The following ADCY2 variants were observed in gnomAD, a reference collection of about 807,000 sequenced individuals.
ADCY2 encodes the protein adenylate cyclase type 2.
Under a neutral mutation model 125.2 loss-of-function variants are expected in ADCY2, and 31 were observed. The ratio of observed to expected loss-of-function variants is 0.25; its 90% CI spans 0.19 to 0.33. ADCY2 has a LOEUF of 0.33. Ranked by LOEUF, ADCY2 falls within the 10% of genes least tolerant of loss-of-function variation. The probability of loss-of-function intolerance (pLI) is 1.00; values close to 1 mark genes in which losing one functional copy is unlikely to be tolerated. For synonymous variants in ADCY2, 512 were observed against 548.4 expected (o/e 0.93, Z 0.93); for missense variants, 904 against 1,418.2 (o/e 0.64, Z 5.82).
chr5:7,549,827 C>T (rs1269462286), intron 3 of ADCY2, among the ~76,000 whole-genome samples: 5 of 152,160 alleles, frequency 3.3e-5, no homozygotes, highest in Admixed American at 1.3e-4. Flanking sequence ...AGGTCGTACC[C>T]GGAAGTGGCT....
intron 11 of ADCY2, among the ~76,000 whole-genome samples, chr5:7,716,287 G>T (rs1245134769): frequency 1.3e-5 from 2 of 152,176 alleles, no homozygotes; most frequent in Non-Finnish European, 2.9e-5. Flanking sequence ...AAATAAGACT[G>T]TAGCTCTGCA....
intron 6 of ADCY2, 105 bp from the exon 7 acceptor site, chr5:7,698,142 C>T (rs1042971813): frequency 2.5e-5 from 35 of 1,399,006 alleles, no homozygotes; most frequent in Non-Finnish European, 3.5e-5. Context: ...TCTCCAGATG[C>T]CCCTGGAATG....
At chr5:7,694,965 C>G (rs766877521) in intron 5 of ADCY2, among the ~76,000 whole-genome samples, 1 of 152,200 alleles carries the variant, frequency 6.6e-6, no homozygotes, top group Admixed American at 6.5e-5. Flanking sequence ...ATCCTAATGA[C>G]TGTGAAATAG....
chr5:7,731,549 C>T (rs1014116981), intron 14 of ADCY2, among the ~76,000 whole-genome samples: 1 of 151,900 alleles, frequency 6.6e-6, no homozygotes, highest in Non-Finnish European at 1.5e-5. Flanking sequence ...GCCACCGCAC[C>T]TGGCCTACTT....
Position 7,709,064 on chromosome 5 carries a change from T to C in ADCY2, c.1402-147T>C. 2 of 692,034 alleles carry C rather than the reference T, an allele frequency of 2.9e-6. No homozygotes were observed. The allele number at this position is 692,034 out of a possible 1,614,324, so 42.9% of individuals were successfully genotyped here. ...TCAACTCAAATAGTGTGTTCCCCAG[T>C]AACACTGAAGGAATAAGGACAGAAA... On this transcript the variant is annotated intron_variant, in intron 9 of 24. Transcript: ENST00000338316. This position sits in a 1 kb window ranked among gnomAD's most constrained non-coding sequence, Gnocchi z 4.4.
chr5:7,646,851 C>T (rs149849910), intron 4 of ADCY2, among the ~76,000 whole-genome samples: 13 of 152,082 alleles, frequency 8.5e-5, no homozygotes, highest in Admixed American at 1.3e-4. Context: ...GGAGAATTAC[C>T]GGGTTTTCGA....
chr5:7,575,205 T>G (rs1368517056), intron 3 of ADCY2, among the ~76,000 whole-genome samples: 1 of 152,056 alleles, frequency 6.6e-6, no homozygotes, highest in African/African-American at 2.4e-5. Flanking sequence ...AGGAGAAAAA[T>G]GTCTGCATTT....
chr5:7,762,441 C>T (rs949617013), intron 16 of ADCY2, among the ~76,000 whole-genome samples: 14 of 152,192 alleles, frequency 9.2e-5, no homozygotes, highest in African/African-American at 3.4e-4. Flanking sequence ...GAGGCAGTGC[C>T]CGGGGCCACA....
intron 2 of ADCY2, among the ~76,000 whole-genome samples, chr5:7,435,943 T>G (rs1032108857): frequency 6.6e-6 from 1 of 152,208 alleles, no homozygotes; most frequent in Non-Finnish European, 1.5e-5. Flanking sequence ...TTCAGAAACC[T>G]CAACATTTTA....
intron 22 of ADCY2, among the ~76,000 whole-genome samples, chr5:7,805,106 AG>A (rs1371356952): frequency 1.3e-5 from 2 of 151,908 alleles, no homozygotes; most frequent in African/African-American, 4.8e-5. Context: ...TCTTGAGCTC[AG>A]GAGTTTGAGA....
chr5:7,430,123 T>A (rs931121628), intron 2 of ADCY2, among the ~76,000 whole-genome samples: 5 of 152,126 alleles, frequency 3.3e-5, no homozygotes, highest in Admixed American at 3.3e-4. Context: ...AATGGGCAAA[T>A]TTATTGAAAA....
chr5:7,480,621 G>A (rs1483898056), intron 2 of ADCY2, among the ~76,000 whole-genome samples: 1 of 152,154 alleles, frequency 6.6e-6, no homozygotes, highest in Non-Finnish European at 1.5e-5. Context: ...AGTGGGAGAA[G>A]GGGGAGGATC....
intron 2 of ADCY2, among the ~76,000 whole-genome samples, chr5:7,418,645 C>CTTTTTTTTT (rs1160037097): frequency 6.5e-5 from 6 of 92,498 alleles, no homozygotes; most frequent in African/African-American, 3.1e-4. Flanking sequence ...AGTCTACCTT[C>CTTTTTTTTT]TGTTTTTTTT....
chr5:7,563,857 T>C (rs1429804828), intron 3 of ADCY2, among the ~76,000 whole-genome samples: 1 of 152,220 alleles, frequency 6.6e-6, no homozygotes, highest in African/African-American at 2.4e-5. Context: ...CCGTTGTTTA[T>C]GTTCCATAAA....
intron 4 of ADCY2, among the ~76,000 whole-genome samples, chr5:7,650,955 C>T (rs1421104870): frequency 6.6e-6 from 1 of 151,996 alleles, no homozygotes; most frequent in African/African-American, 2.4e-5. Flanking sequence ...TAGGTTACCA[C>T]TCCTTGGTGA....
chr5:7,678,414 G>A (rs1740205727), intron 4 of ADCY2, among the ~76,000 whole-genome samples: 1 of 152,164 alleles, frequency 6.6e-6, no homozygotes, highest in Admixed American at 6.6e-5. Flanking sequence ...GAAGACCTTT[G>A]AGAAACACAT....
chr5:7,632,408 T>G (rs976092100), intron 4 of ADCY2, among the ~76,000 whole-genome samples: 10 of 152,216 alleles, frequency 6.6e-5, no homozygotes, highest in South Asian at 2.1e-4. Context: ...CCATCCATCT[T>G]GGTCATCACA....
intron 3 of ADCY2, among the ~76,000 whole-genome samples, chr5:7,579,499 A>C (rs1199380714): frequency 6.6e-6 from 1 of 152,164 alleles, no homozygotes; most frequent in Non-Finnish European, 1.5e-5. Context: ...GGCTGTTGAA[A>C]TAAGCATGAT....
At chr5:7,419,910 G>A (rs879424523) in intron 2 of ADCY2, among the ~76,000 whole-genome samples, 1 of 152,114 alleles carries the variant, frequency 6.6e-6, no homozygotes, top group Non-Finnish European at 1.5e-5. Context: ...GTTTATGAGC[G>A]GGGCACCATC....
Sources: allele counts gnomAD v4.1 joint callset (sites outside exome capture counted in the v4.1 genomes callset), GRCh38; gene constraint gnomAD v4.1.1; non-coding constraint Gnocchi (gnomAD v3.1); transcripts MANE v1.5; gene names NCBI Gene and HGNC (gene_info 2026-07-23, HGNC 2026-07-21).